The following MICAL2 variants were observed in gnomAD, a reference collection of about 807,000 sequenced individuals.
The protein encoded by MICAL2 is microtubule associated monooxygenase, calponin and LIM domain containing 2, also known as [F-actin]-monooxygenase MICAL2.
MICAL2 carries 77 observed loss-of-function variants against 127.3 expected under a neutral mutation model. That is an observed-to-expected ratio of 0.60 (90% confidence interval 0.50 to 0.73). The LOEUF is 0.73. Among genes scored for constraint, MICAL2 ranks in the 30% least tolerant of loss-of-function variants. MICAL2 has a pLI of 0.00. For synonymous variants in MICAL2, 570 were observed against 551.1 expected (o/e 1.03, Z -0.48); for missense variants, 1,351 against 1,434.4 (o/e 0.94, Z 0.94).
exon 2 of MICAL2, chr11:12,281,090 G>A: frequency 2.5e-6 from 1 of 398,970 alleles, no homozygotes; most frequent in East Asian, 3.6e-5. Context: ...GGAGCCCAGA[G>A]CTGTGCACGG....
intron 32 of MICAL2, among the ~76,000 whole-genome samples, chr11:12,348,912 CATT>C (rs1264312751): frequency 6.6e-6 from 1 of 151,544 alleles, no homozygotes; most frequent in Admixed American, 6.7e-5. Flanking sequence ...AACAGCAGCT[CATT>C]ATTATTGTAT....
At chr11:12,216,034 G>T (rs1856108405) in intron 7 of MICAL2, among the ~76,000 whole-genome samples, 185 bp from the exon 8 acceptor site, 3 of 152,224 alleles carry the variant, frequency 2.0e-5, no homozygotes, top group African/African-American at 7.2e-5. Flanking sequence ...GAAGCTAGCT[G>T]CTTTGACTTG....
At chr11:12,341,193 C>A (rs1565310360) in intron 32 of MICAL2, among the ~76,000 whole-genome samples, 1 of 152,154 alleles carries the variant, frequency 6.6e-6, no homozygotes, top group African/African-American at 2.4e-5. Flanking sequence ...AGAGGCCCTG[C>A]ACAGTGCTAT....
intron 32 of MICAL2, among the ~76,000 whole-genome samples, chr11:12,329,341 C>A (rs866495224): frequency 1.3e-5 from 2 of 152,260 alleles, no homozygotes; most frequent in South Asian, 4.1e-4. Flanking sequence ...GGTCATATTC[C>A]CAGTCCAGAA....
At chr11:12,312,363 C>T (rs1269927301) in intron 29 of MICAL2, among the ~76,000 whole-genome samples, 6 of 148,470 alleles carry the variant, frequency 4.0e-5, no homozygotes, top group Non-Finnish European at 8.9e-5. Flanking sequence ...GCATGATGTG[C>T]GTTTTATGTA....
intron 11 of MICAL2, 87 bp from the exon 12 acceptor site, chr11:12,223,324 C>T (rs1857040888): frequency 8.5e-7 from 1 of 1,179,390 alleles, no homozygotes; most frequent in South Asian, 1.3e-5. Flanking sequence ...GTGGCAGGCA[C>T]TGAATTGGGG....
intron 2 of MICAL2, among the ~76,000 whole-genome samples, chr11:12,149,615 A>G (rs568814732): frequency 6.6e-6 from 1 of 152,240 alleles, no homozygotes; most frequent in South Asian, 2.1e-4. Flanking sequence ...CTGCAAGATG[A>G]GGGAAAAGGG....
intron 24 of MICAL2, 80 bp downstream of exon 24, chr11:12,257,051 G>A (rs1862429517): frequency 3.5e-6 from 5 of 1,444,150 alleles, no homozygotes; most frequent in East Asian, 2.3e-5. Flanking sequence ...TGTCCCTCTG[G>A]TGGCTCTAGG....
At chr11:12,242,173 G>A (rs1860059177) in intron 18 of MICAL2, 41 bp from the exon 19 acceptor site, 2 of 1,516,540 alleles carry the variant, frequency 1.3e-6, no homozygotes, top group Non-Finnish European at 1.8e-6. Context: ...GTATGAAAGG[G>A]CCGCAGTAGG....
chr11:12,327,265 A>G, exon 32 of MICAL2: 1 of 1,549,748 alleles, frequency 6.5e-7, no homozygotes, highest in Non-Finnish European at 8.7e-7. Flanking sequence ...GAGGAGAAGC[A>G]GGTACGGCAT....
rs140219557 is a variant in MICAL2 at position 12,180,335 on chromosome 11, G to GTGTA, written c.264+17917_264+17918insGTAT. ...AGACTCTTGCAGTGTTTATATACAT[G>GTGTA]TATATATGTATATATTTTTTTTTTG... On this transcript the variant is annotated intron_variant, in intron 3 of 27. Coordinates refer to ENST00000683283, the MANE Select transcript of MICAL2 (RefSeq NM_001282663.2). Among the ~76,000 whole-genome samples, 19 of 126,358 alleles carry GTGTA rather than the reference G, an allele frequency of 1.5e-4. 1 individual carries two copies. The highest frequency in any genetic ancestry group is 3.0e-4 in the South Asian group (1 of 3,326). 82.9% of individuals were successfully genotyped at this position (126,358 alleles called of 152,430 possible).
intron 2 of MICAL2, among the ~76,000 whole-genome samples, chr11:12,283,179 C>T (rs1347615094): frequency 1.3e-5 from 2 of 152,016 alleles, no homozygotes; most frequent in Non-Finnish European, 2.9e-5. Flanking sequence ...TATGGTAACC[C>T]CATCACTTTA....
chr11:12,215,074 G>A (rs549906099), intron 7 of MICAL2, among the ~76,000 whole-genome samples: 1 of 152,296 alleles, frequency 6.6e-6, no homozygotes, highest in Non-Finnish European at 1.5e-5. Flanking sequence ...AGCATATGGT[G>A]TCCTTTTGAA....
chr11:12,271,658 T>C (rs1863677614), upstream of MICAL2, among the ~76,000 whole-genome samples: 1 of 152,224 alleles, frequency 6.6e-6, no homozygotes, highest in Non-Finnish European at 1.5e-5. Flanking sequence ...TCATTAGCAT[T>C]ATTTCCAGTA....
At chr11:12,345,834 A>G (rs1938945058) in intron 32 of MICAL2, among the ~76,000 whole-genome samples, 1 of 152,194 alleles carries the variant, frequency 6.6e-6, no homozygotes, top group African/African-American at 2.4e-5. Context: ...TTGTTTATAT[A>G]GTGTTTAATT....
chr11:12,188,941 C>T (rs1858694767), intron 3 of MICAL2, among the ~76,000 whole-genome samples: 1 of 152,166 alleles, frequency 6.6e-6, no homozygotes, highest in African/African-American at 2.4e-5. Context: ...TTTAGATTTT[C>T]AATGAGTACC....
intron 3 of MICAL2, among the ~76,000 whole-genome samples, chr11:12,200,465 T>G (rs1235050848): frequency 6.6e-6 from 1 of 152,200 alleles, no homozygotes; most frequent in Non-Finnish European, 1.5e-5. Context: ...CCCGGGCACG[T>G]GGCTGCCATG....
intron 20 of MICAL2, 99 bp downstream of exon 20, chr11:12,242,871 C>T: frequency 1.3e-6 from 1 of 791,338 alleles, no homozygotes; most frequent in African/African-American, 1.8e-5. Context: ...CCTCCTTCCT[C>T]CTTTTAGAGC....
intron 31 of MICAL2, among the ~76,000 whole-genome samples, chr11:12,327,009 A>C (rs1440431943): frequency 1.3e-5 from 2 of 152,230 alleles, no homozygotes; most frequent in Non-Finnish European, 2.9e-5. Context: ...GGGAAACATC[A>C]GGGTATAGTT....
Sources: gnomAD v4.1 joint callset for allele counts (sites outside exome capture counted in the v4.1 genomes callset) on GRCh38, gnomAD v4.1.1 for gene constraint, MANE v1.5 for transcripts, NCBI Gene and HGNC (gene_info 2026-07-23, HGNC 2026-07-21) for gene names.